Variants in EHBP1 observed in about 807,000 individuals in gnomAD.
EHBP1 encodes the protein EH domain binding protein 1, also known as EH domain-binding protein 1.
A neutral mutation model predicts 144.0 loss-of-function variants in EHBP1; 55 were observed. The ratio of observed to expected loss-of-function variants is 0.38; its 90% CI spans 0.31 to 0.48. The LOEUF (loss-of-function observed/expected upper bound fraction) is 0.48. EHBP1 is among the 20% of genes least tolerant of loss of function. The pLI is 0.98. For synonymous variants in EHBP1, 469 were observed against 472.7 expected, an observed-to-expected ratio of 0.99 and a Z score of 0.10; for missense variants, 1,200 against 1,364.2, an observed-to-expected ratio of 0.88 and a Z score of 1.90.
intron 1 of EHBP1, among the ~76,000 whole-genome samples, chr2:62,686,539 C>T (rs2033724048): frequency 6.6e-6 from 1 of 152,162 alleles, no homozygotes; most frequent in African/African-American, 2.4e-5. Flanking sequence ...ACGGCAAGTT[C>T]CAATGCAAAT....
intron 7 of EHBP1, among the ~76,000 whole-genome samples, chr2:62,843,612 T>C (rs1384737478): frequency 6.6e-6 from 1 of 152,198 alleles, no homozygotes; most frequent in Admixed American, 6.5e-5. Context: ...CACAGCATAT[T>C]ATGGCAGTTG....
chr2:62,760,030 C>T (rs2040640487), intron 3 of EHBP1, among the ~76,000 whole-genome samples: 1 of 152,040 alleles, frequency 6.6e-6, no homozygotes. Context: ...CCTGTGTATA[C>T]TGAAATCTGC....
intron 10 of EHBP1, among the ~76,000 whole-genome samples, chr2:62,879,456 G>A (rs905456686): frequency 4.0e-5 from 6 of 151,472 alleles, no homozygotes; most frequent in Non-Finnish European, 8.8e-5. Context: ...CAAAATTTCT[G>A]TACAAAAATC....
chr2:62,948,164 T>A, intron 12 of EHBP1, 96 bp from the exon 13 acceptor site: 1 of 1,142,016 alleles, frequency 8.8e-7, no homozygotes, highest in South Asian at 2.1e-5. Context: ...GTCGATAACA[T>A]GTACCCAAAC....
At chr2:62,729,357 A>AAATAT (rs1192484588) in intron 2 of EHBP1, among the ~76,000 whole-genome samples, 4 of 128,012 alleles carry the variant, frequency 3.1e-5, no homozygotes, top group African/African-American at 1.2e-4. Context: ...ATATAATAAT[A>AAATAT]AATATAATAT....
At chr2:62,767,992 A>G (rs1168312726) in intron 4 of EHBP1, among the ~76,000 whole-genome samples, 1 of 152,156 alleles carries the variant, frequency 6.6e-6, no homozygotes, top group Non-Finnish European at 1.5e-5. Flanking sequence ...CAACGATGCA[A>G]CAGACCAGAA....
At chr2:62,926,529 G>T (rs889655608) in intron 10 of EHBP1, among the ~76,000 whole-genome samples, 1 of 152,028 alleles carries the variant, frequency 6.6e-6, no homozygotes, top group African/African-American at 2.4e-5. Flanking sequence ...GACCTGAACA[G>T]ATATTTCTCA....
chr2:62,712,916 A>G (rs181846017), intron 2 of EHBP1, among the ~76,000 whole-genome samples: 250 of 152,326 alleles, frequency 1.6e-3, no homozygotes, highest in Non-Finnish European at 2.9e-3. Flanking sequence ...TATTTTTAAT[A>G]TACTGCATAC....
intron 13 of EHBP1, among the ~76,000 whole-genome samples, chr2:62,951,912 G>A (rs1373205043): frequency 6.6e-6 from 1 of 152,118 alleles, no homozygotes; most frequent in Non-Finnish European, 1.5e-5. Flanking sequence ...AAAATACCCT[G>A]GACTGGGAAT....
chr2:62,777,042 A>G (rs966044320), intron 5 of EHBP1, among the ~76,000 whole-genome samples: 2 of 152,134 alleles, frequency 1.3e-5, no homozygotes, highest in Non-Finnish European at 2.9e-5. Context: ...TGTTGTGATC[A>G]TGGCTCACTG....
At chr2:62,725,791 C>T (rs989792989) in intron 2 of EHBP1, among the ~76,000 whole-genome samples, 2 of 152,008 alleles carry the variant, frequency 1.3e-5, no homozygotes, top group Non-Finnish European at 2.9e-5. Flanking sequence ...GCCAGCAAAG[C>T]GATGTGGGGG....
At chr2:62,736,554 A>G (rs1391294856) in intron 2 of EHBP1, among the ~76,000 whole-genome samples, 1 of 152,048 alleles carries the variant, frequency 6.6e-6, no homozygotes, top group Non-Finnish European at 1.5e-5. Flanking sequence ...GGAAATTTCT[A>G]TTGTGATATA....
At chr2:62,951,323 G>T (rs1386589066) in intron 13 of EHBP1, among the ~76,000 whole-genome samples, 1 of 152,086 alleles carries the variant, frequency 6.6e-6, no homozygotes, top group Non-Finnish European at 1.5e-5. Flanking sequence ...TAGAATTAAA[G>T]AAATATAATA....
chr2:63,038,628 A>G, intron 20 of EHBP1, 115 bp from the exon 21 acceptor site: 1 of 876,888 alleles, frequency 1.1e-6, no homozygotes, highest in Non-Finnish European at 1.8e-6. Context: ...GGAGTGGCTT[A>G]AACTTAAAGA....
intron 10 of EHBP1, among the ~76,000 whole-genome samples, chr2:62,925,763 C>T (rs1029385293): frequency 6.6e-6 from 1 of 152,026 alleles, no homozygotes; most frequent in African/African-American, 2.4e-5. Context: ...GAAGAGGATA[C>T]ACAAAAATGG....
intron 6 of EHBP1, among the ~76,000 whole-genome samples, chr2:62,828,147 C>G (rs1456730099): frequency 6.6e-6 from 1 of 152,068 alleles, no homozygotes; most frequent in African/African-American, 2.4e-5. Context: ...AGATAAGATG[C>G]AAAGAATTTT....
chr2:62,914,375 G>A (rs1279086739), intron 10 of EHBP1, among the ~76,000 whole-genome samples: 1 of 151,970 alleles, frequency 6.6e-6, no homozygotes, highest in Non-Finnish European at 1.5e-5. Context: ...TTCTTGGGGG[G>A]AGAAAAACAG....
At chr2:62,894,851 G>C (rs889902395) in intron 10 of EHBP1, among the ~76,000 whole-genome samples, 11 of 151,466 alleles carry the variant, frequency 7.3e-5, no homozygotes, top group African/African-American at 2.7e-4. Flanking sequence ...CCAGGAGTTA[G>C]AGGTTACAGT....
rs2061917004 is a variant in EHBP1, at chr2:63,045,388, G to T, written c.3393-22G>T. 6.2e-7 allele frequency: 1 copy of T among 1,610,166 alleles called. No individual in the cohort carries two copies. Among genetic ancestry groups the T allele is most frequent in the Non-Finnish European group, 8.5e-7 (1 of 1,176,570 alleles). On this transcript the variant is annotated intron_variant, in intron 22 of 22. Coordinates refer to ENST00000431489, the MANE Select transcript of EHBP1 (RefSeq NM_001142616.3). The surrounding 1 kb of genome is among the most constrained non-coding windows in gnomAD (Gnocchi z 5.7). ...AGAAAAATAATTTTGTTTCCTGTTTGTCCTGTTTGTCTGACATCCAGGGCC... is the reference window on the plus strand; with the variant it reads ...AGAAAAATAATTTTGTTTCCTGTTTTTCCTGTTTGTCTGACATCCAGGGCC...
Sources: gnomAD v4.1 joint callset for allele counts (sites outside exome capture counted in the v4.1 genomes callset) on GRCh38, gnomAD v4.1.1 for gene constraint, Gnocchi (gnomAD v3.1) non-coding constraint, MANE v1.5 for transcripts, NCBI Gene and HGNC (gene_info 2026-07-23, HGNC 2026-07-21) for gene names.